The following VPS13B variants were observed in gnomAD, a reference collection of about 807,000 sequenced individuals.
VPS13B encodes vacuolar protein sorting 13 homolog B, also known as intermembrane lipid transfer protein VPS13B.
VPS13B carries 285 observed loss-of-function variants against 426.4 expected under a neutral mutation model. The observed-to-expected ratio is 0.67, with a 90% CI of 0.61 to 0.74. The LOEUF (loss-of-function observed/expected upper bound fraction) is 0.74. Ranked by LOEUF, VPS13B falls within the 30% of genes least tolerant of loss-of-function variation. VPS13B has a pLI of 0.00. For missense variants in VPS13B, 4,537 were observed against 4,782.6 expected (o/e 0.95, Z 1.51); for synonymous variants, 1,676 against 1,676.4 (o/e 1.00, Z 0.01).
chr8:99,850,379 A>G (rs899137735), intron 55 of VPS13B, among the ~76,000 whole-genome samples: 43 of 149,116 alleles, frequency 2.9e-4, no homozygotes, highest in African/African-American at 1.1e-3. Flanking sequence ...ATGTACTTAT[A>G]CATACATACA....
chr8:99,645,859 C>T (rs923910116), intron 34 of VPS13B, among the ~76,000 whole-genome samples: 7 of 152,180 alleles, frequency 4.6e-5, no homozygotes, highest in Non-Finnish European at 8.8e-5. Flanking sequence ...TATCCAGAAA[C>T]ACTTTATGTA....
intron 36 of VPS13B, among the ~76,000 whole-genome samples, chr8:99,701,382 C>G (rs1832274589): frequency 6.6e-6 from 1 of 152,156 alleles, no homozygotes; most frequent in Non-Finnish European, 1.5e-5. Context: ...TTTAAACGTA[C>G]TATACTCACT....
At chr8:99,873,416 C>G (rs1273425305) in intron 61 of VPS13B, 1 of 152,104 alleles carries the variant, frequency 6.6e-6, no homozygotes, top group African/African-American at 2.4e-5. Context: ...GCTCTAGATA[C>G]CATTTTCAGC....
chr8:99,048,769 C>T (rs900586560), intron 3 of VPS13B, among the ~76,000 whole-genome samples: 5 of 149,168 alleles, frequency 3.4e-5, no homozygotes, highest in Non-Finnish European at 5.9e-5. Flanking sequence ...GAGCCAAGAT[C>T]AAGCCACTGC....
At chr8:99,086,521 G>A (rs1310195587) in intron 3 of VPS13B, among the ~76,000 whole-genome samples, 2 of 152,310 alleles carry the variant, frequency 1.3e-5, no homozygotes, top group East Asian at 3.9e-4. Context: ...TTCCTTTGGA[G>A]GAGGAGAGGT....
chr8:99,358,448 C>G (rs561932891), intron 19 of VPS13B, among the ~76,000 whole-genome samples: 1 of 152,148 alleles, frequency 6.6e-6, no homozygotes, highest in East Asian at 1.9e-4. Flanking sequence ...TTTCATCTGA[C>G]AGTAGTGTAA....
chr8:99,128,260 G>A (rs1028374974), intron 8 of VPS13B, among the ~76,000 whole-genome samples: 8 of 151,240 alleles, frequency 5.3e-5, no homozygotes, highest in East Asian at 1.9e-4. Flanking sequence ...GGTGGCAGGC[G>A]CCTGTAATCC....
intron 19 of VPS13B, among the ~76,000 whole-genome samples, chr8:99,308,261 C>T (rs775412353): frequency 5.3e-5 from 8 of 151,516 alleles, no homozygotes; most frequent in South Asian, 2.1e-4. Flanking sequence ...ACATGCACCA[C>T]GTCGGTGTGC....
chr8:99,800,400 A>C (rs1281222420), intron 43 of VPS13B, among the ~76,000 whole-genome samples: 1 of 152,164 alleles, frequency 6.6e-6, no homozygotes, highest in Non-Finnish European at 1.5e-5. Context: ...AGATATGTAT[A>C]ATGTTGAAAT....
chr8:99,802,308 A>G (rs775717319), intron 43 of VPS13B, among the ~76,000 whole-genome samples: 7 of 152,138 alleles, frequency 4.6e-5, no homozygotes, highest in Non-Finnish European at 8.8e-5. Flanking sequence ...ACTGAAGATC[A>G]TGTCACCCTC....
At chr8:99,553,241 T>C (rs1588488702) in intron 30 of VPS13B, among the ~76,000 whole-genome samples, 1 of 152,124 alleles carries the variant, frequency 6.6e-6, no homozygotes. Flanking sequence ...TCTGTTATTC[T>C]GTTATTGGTG....
chr8:99,016,661 G>A (rs371530938), intron 2 of VPS13B, among the ~76,000 whole-genome samples: 16 of 143,706 alleles, frequency 1.1e-4, no homozygotes, highest in African/African-American at 3.9e-4. Flanking sequence ...GTGCGATCTC[G>A]GCTCACTGCA....
intron 33 of VPS13B, among the ~76,000 whole-genome samples, chr8:99,586,057 C>G (rs1826284275): frequency 6.6e-6 from 1 of 152,188 alleles, no homozygotes; most frequent in Non-Finnish European, 1.5e-5. Context: ...CTCCCCACTC[C>G]TCTTTTCAGT....
chr8:99,783,810 A>G (rs1812132940), intron 42 of VPS13B, among the ~76,000 whole-genome samples: 1 of 151,952 alleles, frequency 6.6e-6, no homozygotes, highest in African/African-American at 2.4e-5. Flanking sequence ...GCAGATTTAC[A>G]CACACACACA....
chr8:99,721,102 T>C (rs1055852234), intron 39 of VPS13B, 55 bp downstream of exon 39: 84 of 1,570,800 alleles, frequency 5.3e-5, no homozygotes, highest in Non-Finnish European at 8.8e-7. Context: ...GGGCTGATCA[T>C]ATATTAGGAA....
intron 34 of VPS13B, among the ~76,000 whole-genome samples, chr8:99,659,614 A>G (rs2129744270): frequency 6.6e-6 from 1 of 152,340 alleles, no homozygotes; most frequent in East Asian, 1.9e-4. Context: ...AATATGCCAC[A>G]AGGATAACCA....
rs192983161 is a variant in VPS13B at position 99,664,060 on chromosome 8, G to A, written c.6046+2569G>A. Among the ~76,000 whole-genome samples the A allele has an allele frequency of 5.0e-3, 743 of 149,192 alleles. 7 individuals carry two copies. Among genetic ancestry groups the A allele is most frequent in the African/African-American group, 0.017 (703 of 40,348 alleles). On this transcript the variant is annotated intron_variant, in intron 35 of 61. Transcript: ENST00000357162. ...CTCATTCTATCACCCAGGCTGGAGT[G>A]CAGTGGTGTGATCTTGGCTCACTGC...
chr8:99,673,150 A>G (rs1478665264), intron 35 of VPS13B, among the ~76,000 whole-genome samples: 1 of 152,078 alleles, frequency 6.6e-6, no homozygotes, highest in Non-Finnish European at 1.5e-5. Context: ...TATAGAATAA[A>G]TTTGGAAATA....
At chr8:99,784,290 G>T in intron 42 of VPS13B, 25 bp from the exon 43 acceptor site, 1 of 1,613,446 alleles carries the variant, frequency 6.2e-7, no homozygotes, top group Non-Finnish European at 8.5e-7. Flanking sequence ...GATCCATGTT[G>T]GCTTTCGTAT....
Sources: allele counts gnomAD v4.1 joint callset (sites outside exome capture counted in the v4.1 genomes callset), GRCh38; gene constraint gnomAD v4.1.1; transcripts MANE v1.5; gene names NCBI Gene and HGNC (gene_info 2026-07-23, HGNC 2026-07-21).